The following SETBP1 variants were observed in gnomAD, a reference collection of about 807,000 sequenced individuals.
The protein encoded by SETBP1 is SET binding protein 1, also known as SET-binding protein.
Under a neutral mutation model 101.0 loss-of-function variants are expected in SETBP1, and 9 were observed. The observed-to-expected ratio is 0.09, with a 90% CI of 0.05 to 0.16. SETBP1 has a LOEUF of 0.16. Among genes scored for constraint, SETBP1 ranks in the 10% least tolerant of loss-of-function variants. SETBP1 has a pLI of 1.00. For missense variants in SETBP1, 1,858 were observed against 2,033.8 expected, an observed-to-expected ratio of 0.91 and a Z score of 1.66; for synonymous variants, 818 against 788.5, an observed-to-expected ratio of 1.04 and a Z score of -0.63.
chr18:44,691,032 G>C (rs912756704), intron 1 of SETBP1, among the ~76,000 whole-genome samples: 1 of 152,182 alleles, frequency 6.6e-6, no homozygotes, highest in African/African-American at 2.4e-5. Flanking sequence ...TTTAAGTGAC[G>C]TGGCAATTCA....
chr18:44,861,842 C>G (rs774551767), intron 2 of SETBP1, among the ~76,000 whole-genome samples: 8 of 152,174 alleles, frequency 5.3e-5, no homozygotes, highest in Non-Finnish European at 1.0e-4. Flanking sequence ...TTTCTTGCAT[C>G]TAAAACAAAT....
At chr18:44,937,937 TTAAAATA>T (rs1440224347) in intron 3 of SETBP1, among the ~76,000 whole-genome samples, 7 of 152,120 alleles carry the variant, frequency 4.6e-5, no homozygotes, top group Admixed American at 1.3e-4. Flanking sequence ...TGAACAGACT[TTAAAATA>T]TAAAATGATC....
chr18:44,764,959 C>T (rs1437452396), intron 2 of SETBP1, among the ~76,000 whole-genome samples: 1 of 152,136 alleles, frequency 6.6e-6, no homozygotes, highest in Non-Finnish European at 1.5e-5. Flanking sequence ...AGTGCATGTT[C>T]AACAAATATT....
intron 1 of SETBP1, among the ~76,000 whole-genome samples, chr18:44,692,922 A>G (rs2068958177): frequency 6.6e-6 from 1 of 152,184 alleles, no homozygotes; most frequent in African/African-American, 2.4e-5. Flanking sequence ...GTAGTCTGGA[A>G]ATGCTGCTTG....
chr18:44,980,729 T>C (rs2072096432), intron 4 of SETBP1, among the ~76,000 whole-genome samples: 1 of 152,140 alleles, frequency 6.6e-6, no homozygotes, highest in African/African-American at 2.4e-5. Context: ...CAAGAGCCCA[T>C]CCCTGCTGCC....
intron 4 of SETBP1, among the ~76,000 whole-genome samples, chr18:44,973,919 C>T (rs183379679): frequency 1.8e-4 from 27 of 152,238 alleles, no homozygotes; most frequent in African/African-American, 6.3e-4. Flanking sequence ...TTCTCTGAGT[C>T]GTGCCTTAGG....
At chr18:44,858,303 A>G (rs1207298533) in intron 2 of SETBP1, among the ~76,000 whole-genome samples, 1 of 152,256 alleles carries the variant, frequency 6.6e-6, no homozygotes, top group Non-Finnish European at 1.5e-5. Flanking sequence ...AAGGAGTGGC[A>G]GGACCGAATC....
At chr18:44,700,785 A>T (rs2069102266) in intron 1 of SETBP1, among the ~76,000 whole-genome samples, 1 of 152,172 alleles carries the variant, frequency 6.6e-6, no homozygotes, top group Non-Finnish European at 1.5e-5. Context: ...AAGCCAACCA[A>T]ATACAGTTCC....
At chr18:44,876,945 C>A in intron 3 of SETBP1, 1 of 1,315,076 alleles carries the variant, frequency 7.6e-7, no homozygotes, top group Non-Finnish European at 9.7e-7. Context: ...CAATGCTGCC[C>A]TGAAGAGATA....
chr18:44,777,095 C>A (rs11665175), intron 2 of SETBP1, among the ~76,000 whole-genome samples: 41,807 of 151,966 alleles, frequency 0.28, 6,327 homozygotes, highest in African/African-American at 0.39. Context: ...ACAGGAGGAT[C>A]CCTTGAAGCC....
At chr18:44,836,391 A>G (rs1267589511) in intron 2 of SETBP1, among the ~76,000 whole-genome samples, 1 of 152,176 alleles carries the variant, frequency 6.6e-6, no homozygotes, top group African/African-American at 2.4e-5. Flanking sequence ...CAGATTGTTT[A>G]AAGCCATAGA....
At chr18:44,924,208 T>C (rs1308525916) in intron 3 of SETBP1, among the ~76,000 whole-genome samples, 1 of 152,020 alleles carries the variant, frequency 6.6e-6, no homozygotes, top group Non-Finnish European at 1.5e-5. Flanking sequence ...TGATGCCAGG[T>C]TGGGGGTTAG....
chr18:44,709,132 G>T (rs2069286502), intron 2 of SETBP1, among the ~76,000 whole-genome samples: 1 of 152,126 alleles, frequency 6.6e-6, no homozygotes, highest in Middle Eastern at 3.2e-3. Context: ...TTCTCTGGGG[G>T]TTTAAAACAT....
At chr18:45,018,255 A>T (rs2072990341) in intron 4 of SETBP1, among the ~76,000 whole-genome samples, 2 of 152,252 alleles carry the variant, frequency 1.3e-5, no homozygotes, top group Non-Finnish European at 2.9e-5. Context: ...AATCATAAAA[A>T]TTGAATTCTC....
At chr18:44,874,885 A>G (rs2069361165) in intron 3 of SETBP1, among the ~76,000 whole-genome samples, 2 of 152,196 alleles carry the variant, frequency 1.3e-5, no homozygotes, top group Non-Finnish European at 2.9e-5. Flanking sequence ...TTAGGAAGGT[A>G]TGACTGTGGA....
At chr18:44,810,726 T>C (rs1163286340) in intron 2 of SETBP1, among the ~76,000 whole-genome samples, 1 of 152,170 alleles carries the variant, frequency 6.6e-6, no homozygotes, top group African/African-American at 2.4e-5. Context: ...TCCATGTAGA[T>C]CACTGGGTTG....
intron 3 of SETBP1, chr18:44,876,892 T>A: frequency 7.2e-7 from 1 of 1,387,590 alleles, no homozygotes; most frequent in South Asian, 1.9e-5. Context: ...TAGCTAGACA[T>A]TCTCTCTGGG....
intron 2 of SETBP1, among the ~76,000 whole-genome samples, chr18:44,705,355 C>T (rs1488467317): frequency 2.0e-5 from 3 of 152,042 alleles, no homozygotes; most frequent in Non-Finnish European, 4.4e-5. Context: ...GGTACTATGA[C>T]CTTCAAAGAT....
chr18:44,740,656 C>A (rs2070076516), intron 2 of SETBP1, among the ~76,000 whole-genome samples: 1 of 152,152 alleles, frequency 6.6e-6, no homozygotes, highest in Non-Finnish European at 1.5e-5. Flanking sequence ...GATATGCTGC[C>A]TTTTGCTTTG....
Sources: gnomAD v4.1 joint callset for allele counts (sites outside exome capture counted in the v4.1 genomes callset) on GRCh38, gnomAD v4.1.1 for gene constraint, MANE v1.5 for transcripts, NCBI Gene and HGNC (gene_info 2026-07-23, HGNC 2026-07-21) for gene names.